Variants in DLG2 observed in about 807,000 individuals in gnomAD.
DLG2 encodes disks large homolog 2.
A neutral mutation model predicts 132.5 loss-of-function variants in DLG2; 45 were observed. The observed-to-expected ratio is 0.34, with a 90% CI of 0.27 to 0.44. The LOEUF is 0.44. Among genes scored for constraint, DLG2 ranks in the 20% least tolerant of loss-of-function variants. The pLI is 1.00. For synonymous variants in DLG2, 424 were observed against 419.6 expected, an observed-to-expected ratio of 1.01 and a Z score of -0.13; for missense variants, 1,045 against 1,196.9, an observed-to-expected ratio of 0.87 and a Z score of 1.87.
At chr11:83,759,601 C>A (rs1226512292) in intron 18 of DLG2, among the ~76,000 whole-genome samples, 1 of 152,046 alleles carries the variant, frequency 6.6e-6, no homozygotes, top group Non-Finnish European at 1.5e-5. Flanking sequence ...TACACTCATG[C>A]GGCTGTCATA....
chr11:85,253,603 A>G (rs1041783348), intron 4 of DLG2, among the ~76,000 whole-genome samples: 15 of 152,144 alleles, frequency 9.9e-5, no homozygotes, highest in African/African-American at 3.6e-4. Flanking sequence ...AGGAAGGGTT[A>G]CAGTACTCTT....
chr11:85,359,708 T>A (rs540488120), intron 3 of DLG2, among the ~76,000 whole-genome samples: 1 of 152,194 alleles, frequency 6.6e-6, no homozygotes, highest in East Asian at 1.9e-4. Flanking sequence ...AAACATGATA[T>A]GACAGCAAAC....
chr11:84,623,254 C>G (rs769320430), intron 6 of DLG2, among the ~76,000 whole-genome samples: 1 of 151,960 alleles, frequency 6.6e-6, no homozygotes, highest in South Asian at 2.1e-4. Context: ...GGATAATCAA[C>G]GTAATGACCC....
intron 6 of DLG2, among the ~76,000 whole-genome samples, chr11:85,081,656 C>T (rs1023480413): frequency 6.6e-6 from 1 of 152,132 alleles, no homozygotes; most frequent in African/African-American, 2.4e-5. Context: ...GTAGACTGCC[C>T]AAGGTCCAAT....
intron 6 of DLG2, among the ~76,000 whole-genome samples, chr11:84,560,862 CT>C (rs769525488): frequency 1.8e-4 from 28 of 152,030 alleles, no homozygotes; most frequent in Non-Finnish European, 3.5e-4. Flanking sequence ...AGTACTCACG[CT>C]TTTACAATGT....
chr11:84,171,711 T>C (rs1020825579), intron 8 of DLG2, among the ~76,000 whole-genome samples: 8 of 152,182 alleles, frequency 5.3e-5, no homozygotes, highest in Non-Finnish European at 1.0e-4. Context: ...TTTGATACGA[T>C]GATTTATTTT....
At chr11:85,148,812 G>A (rs1026483989) in intron 5 of DLG2, among the ~76,000 whole-genome samples, 1 of 152,186 alleles carries the variant, frequency 6.6e-6, no homozygotes, top group African/African-American at 2.4e-5. Context: ...TGTTCATCAT[G>A]AAGTCTTTGC....
chr11:84,831,734 T>C (rs1223086336), intron 6 of DLG2, among the ~76,000 whole-genome samples: 3 of 151,680 alleles, frequency 2.0e-5, no homozygotes, highest in Non-Finnish European at 4.4e-5. Flanking sequence ...CCACGCCCCT[T>C]CAATATTTAA....
intron 6 of DLG2, among the ~76,000 whole-genome samples, chr11:84,562,397 G>A (rs2154526378): frequency 6.6e-6 from 1 of 152,270 alleles, no homozygotes; most frequent in East Asian, 1.9e-4. Flanking sequence ...CAAAGGAGGA[G>A]TCCAATTCAA....
chr11:83,459,618 G>A lies in DLG2; in HGVS notation c.*200C>T, dbSNP rs1393488535. 10 of 484,464 alleles carry A rather than the reference G, an allele frequency of 2.1e-5. No homozygotes were observed. The East Asian group carries it at 3.4e-4, about 16-fold the overall frequency. 30.0% of individuals were successfully genotyped at this position (484,464 alleles called of 1,614,324 possible). On this transcript the variant is annotated 3_prime_UTR_variant, in exon 28 of 28. Coordinates refer to ENST00000376104, the MANE Select transcript of DLG2 (RefSeq NM_001142699.3). ...GCAAACCAAAGCCTTCCTTCATACT[G>A]CAATGTCTTTTCTGTCCCACCCTTT...
intron 9 of DLG2, 96 bp from the exon 10 acceptor site, chr11:84,099,143 A>T (rs2092155447): frequency 8.7e-7 from 1 of 1,152,156 alleles, no homozygotes; most frequent in Admixed American, 1.9e-5. Context: ...CTCAAATGGA[A>T]ATCAGGTGAC....
chr11:85,246,614 A>G (rs914592113), intron 4 of DLG2, among the ~76,000 whole-genome samples: 1 of 151,590 alleles, frequency 6.6e-6, no homozygotes, highest in Non-Finnish European at 1.5e-5. Context: ...AATAAGGAAT[A>G]CATGGAGCTT....
chr11:84,199,810 A>G (rs960769889), intron 8 of DLG2, among the ~76,000 whole-genome samples: 1 of 152,078 alleles, frequency 6.6e-6, no homozygotes, highest in African/African-American at 2.4e-5. Context: ...CTGTTTGACA[A>G]TATCAAGTGG....
chr11:83,534,938 G>C (rs926658065), intron 20 of DLG2, among the ~76,000 whole-genome samples: 1 of 152,116 alleles, frequency 6.6e-6, no homozygotes. Context: ...GCGAGACTTC[G>C]TCTCCCCCAA....
intron 18 of DLG2, among the ~76,000 whole-genome samples, chr11:83,734,393 TTCCTTCCTTCCTTCCC>T (rs1202003363): frequency 8.8e-6 from 1 of 113,814 alleles, no homozygotes; most frequent in Non-Finnish European, 1.9e-5. Flanking sequence ...CCTTCCTTCC[TTCCTTCCTTCCTTCCC>T]TCCCTCCTTC....
intron 7 of DLG2, among the ~76,000 whole-genome samples, chr11:84,411,936 C>G (rs2098907346): frequency 6.6e-6 from 1 of 151,010 alleles, no homozygotes; most frequent in African/African-American, 2.4e-5. Context: ...TCAACATACC[C>G]TGATTGTGCC....
intron 3 of DLG2, among the ~76,000 whole-genome samples, chr11:85,347,929 A>T (rs1256338235): frequency 1.9e-4 from 25 of 134,992 alleles, no homozygotes; most frequent in African/African-American, 6.5e-4. Flanking sequence ...TCAGCCTCCC[A>T]AGTAGTTGGG....
intron 5 of DLG2, among the ~76,000 whole-genome samples, chr11:85,144,174 A>C (rs2076683141): frequency 6.6e-6 from 1 of 151,824 alleles, no homozygotes; most frequent in South Asian, 2.1e-4. Flanking sequence ...TTATCATTAT[A>C]TAATGTCCTT....
intron 8 of DLG2, among the ~76,000 whole-genome samples, chr11:84,212,109 T>A (rs1251101074): frequency 4.6e-5 from 7 of 152,224 alleles, no homozygotes; most frequent in Non-Finnish European, 5.9e-5. Context: ...AAGTAATCTA[T>A]CTGTAGAAAA....
Sources: gnomAD v4.1 joint callset for allele counts (sites outside exome capture counted in the v4.1 genomes callset) on GRCh38, gnomAD v4.1.1 for gene constraint, MANE v1.5 for transcripts, NCBI Gene and HGNC (gene_info 2026-07-23, HGNC 2026-07-21) for gene names.